Variants in CNTN5 observed in about 807,000 individuals in gnomAD.
The protein encoded by CNTN5 is contactin-5.
Under a neutral mutation model 129.1 loss-of-function variants are expected in CNTN5, and 77 were observed. The observed-to-expected ratio is 0.60, with a 90% CI of 0.50 to 0.72. The LOEUF is 0.72. Ranked by LOEUF, CNTN5 falls within the 30% of genes least tolerant of loss-of-function variation. The pLI is 0.00. For missense variants in CNTN5, 1,478 were observed against 1,328.8 expected (o/e 1.11, Z -1.75); for synonymous variants, 509 against 465.6 (o/e 1.09, Z -1.20).
At chr11:99,772,023 G>A (rs918647462) in intron 3 of CNTN5, among the ~76,000 whole-genome samples, 3 of 150,514 alleles carry the variant, frequency 2.0e-5, no homozygotes, top group African/African-American at 7.3e-5. Flanking sequence ...GTCTATAAAA[G>A]AAAGTACAAA....
rs540766220 is a variant in CNTN5 at position 99,341,884 on chromosome 11, A to T, written c.-71+16400A>T. Among the ~76,000 whole-genome samples the T allele has an allele frequency of 2.0e-5, 3 of 152,312 alleles. No homozygotes were observed. In the East Asian group the frequency reaches 5.8e-4, roughly 29 times the overall value. On this transcript the variant is annotated intron_variant, in intron 2 of 24. Coordinates refer to ENST00000524871, the MANE Select transcript of CNTN5 (RefSeq NM_014361.4). ...AAAATTAAATGACAAACCACGGCTGAAGAAAAGTACTGTGAGAGAACAAAA... is the reference window on the plus strand; with the variant it reads ...AAAATTAAATGACAAACCACGGCTGTAGAAAAGTACTGTGAGAGAACAAAA...
At chr11:99,553,219 T>C (rs1406002698) in intron 2 of CNTN5, among the ~76,000 whole-genome samples, 3 of 152,264 alleles carry the variant, frequency 2.0e-5, no homozygotes, top group East Asian at 1.9e-4. Flanking sequence ...AAATTCCAAT[T>C]AGTAGTTTCC....
At chr11:99,943,810 T>C (rs1240453983) in intron 7 of CNTN5, among the ~76,000 whole-genome samples, 1 of 152,150 alleles carries the variant, frequency 6.6e-6, no homozygotes, top group East Asian at 1.9e-4. Flanking sequence ...CCATTGCTTG[T>C]TTTCGTCAGG....
intron 1 of CNTN5, among the ~76,000 whole-genome samples, chr11:99,157,820 A>G (rs1442703035): frequency 6.6e-6 from 1 of 152,158 alleles, no homozygotes; most frequent in Non-Finnish European, 1.5e-5. Context: ...AGAAAAACAA[A>G]TTCCTGGTTT....
chr11:99,908,748 A>T (rs1297495960), intron 6 of CNTN5, among the ~76,000 whole-genome samples: 2 of 152,116 alleles, frequency 1.3e-5, no homozygotes, highest in African/African-American at 4.8e-5. Flanking sequence ...AAGATCAAAA[A>T]TATTTTTATC....
At chr11:99,994,481 T>C (rs4418773) in intron 8 of CNTN5, among the ~76,000 whole-genome samples, 3 of 151,924 alleles carry the variant, frequency 2.0e-5, no homozygotes, top group Admixed American at 2.0e-4. Context: ...GACAATTTAC[T>C]AGAAATAATT....
intron 1 of CNTN5, among the ~76,000 whole-genome samples, chr11:99,221,263 CTAATTCATG>C (rs1433987807): frequency 6.6e-6 from 1 of 151,860 alleles, no homozygotes; most frequent in Non-Finnish European, 1.5e-5. Context: ...TAATATATTT[CTAATTCATG>C]TAATTGACAA....
intron 8 of CNTN5, among the ~76,000 whole-genome samples, chr11:100,000,012 T>G (rs1591548764): frequency 2.3e-4 from 26 of 114,710 alleles, no homozygotes; most frequent in Admixed American, 4.7e-4. Context: ...TGTTGTGGGG[T>G]GTGGGGAGCG....
intron 1 of CNTN5, among the ~76,000 whole-genome samples, chr11:99,242,917 C>G (rs577205397): frequency 7.2e-5 from 11 of 152,044 alleles, no homozygotes; most frequent in African/African-American, 2.7e-4. Context: ...CCAGGTCTTT[C>G]CTATGGTGGA....
intron 6 of CNTN5, among the ~76,000 whole-genome samples, chr11:99,849,295 C>T (rs572054259): frequency 6.6e-6 from 1 of 151,440 alleles, no homozygotes; most frequent in Non-Finnish European, 1.5e-5. Flanking sequence ...TCAAAGAAAA[C>T]TTTGATTTTT....
intron 2 of CNTN5, among the ~76,000 whole-genome samples, chr11:99,399,212 TATAG>T (rs1186385580): frequency 2.6e-5 from 4 of 151,556 alleles, no homozygotes; most frequent in African/African-American, 9.7e-5. Flanking sequence ...TACTTATTCA[TATAG>T]ATATTGTCTA....
intron 8 of CNTN5, among the ~76,000 whole-genome samples, chr11:99,967,494 C>G (rs555306427): frequency 6.6e-6 from 1 of 152,094 alleles, no homozygotes; most frequent in Non-Finnish European, 1.5e-5. Context: ...TGTCTGTAAC[C>G]GCGCACTCTG....
chr11:99,452,994 A>G (rs1294401326), intron 2 of CNTN5, among the ~76,000 whole-genome samples: 1 of 152,210 alleles, frequency 6.6e-6, no homozygotes, highest in African/African-American at 2.4e-5. Context: ...TAAAAAAGCT[A>G]AGAAGTGGCA....
chr11:100,060,600 A>G (rs1943423731), intron 9 of CNTN5, among the ~76,000 whole-genome samples: 2 of 151,530 alleles, frequency 1.3e-5, no homozygotes, highest in African/African-American at 4.8e-5. Context: ...AATTTTGCCA[A>G]GTTACTGTTG....
At chr11:100,323,585 T>C (rs1487446340) in intron 21 of CNTN5, among the ~76,000 whole-genome samples, 1 of 152,160 alleles carries the variant, frequency 6.6e-6, no homozygotes, top group Non-Finnish European at 1.5e-5. Flanking sequence ...TTTCTTAATA[T>C]CTGTAAGATC....
chr11:99,697,188 A>T (rs1038945853), intron 3 of CNTN5, among the ~76,000 whole-genome samples: 5 of 152,010 alleles, frequency 3.3e-5, no homozygotes, highest in Admixed American at 3.3e-4. Context: ...CAGAATTTCA[A>T]ATAAATTATG....
chr11:99,803,607 T>C (rs1946179535), intron 3 of CNTN5, among the ~76,000 whole-genome samples: 1 of 152,202 alleles, frequency 6.6e-6, no homozygotes, highest in South Asian at 2.1e-4. Flanking sequence ...TCTACTGTTT[T>C]GGACAAGGGA....
chr11:100,188,319 G>A (rs1459846763), intron 13 of CNTN5, among the ~76,000 whole-genome samples: 1 of 151,940 alleles, frequency 6.6e-6, no homozygotes, highest in Non-Finnish European at 1.5e-5. Flanking sequence ...CGGGCCACAG[G>A]GGGCGAGGAG....
chr11:99,387,930 A>T (rs1056825776), intron 2 of CNTN5, among the ~76,000 whole-genome samples: 1 of 151,730 alleles, frequency 6.6e-6, no homozygotes, highest in Non-Finnish European at 1.5e-5. Flanking sequence ...AAATGAAATG[A>T]AAGTATCTGG....
Sources: gnomAD v4.1 joint callset for allele counts (sites outside exome capture counted in the v4.1 genomes callset) on GRCh38, gnomAD v4.1.1 for gene constraint, MANE v1.5 for transcripts, NCBI Gene and HGNC (gene_info 2026-07-23, HGNC 2026-07-21) for gene names.